The following ZNF444 variants were observed in gnomAD, a reference collection of about 807,000 sequenced individuals.
The protein encoded by ZNF444 is endothelial zinc finger protein 2.
ZNF444 carries 8 observed loss-of-function variants against 14.4 expected under a neutral mutation model. The ratio of observed to expected loss-of-function variants is 0.56; its 90% CI spans 0.33 to 1.00. The LOEUF (loss-of-function observed/expected upper bound fraction) is 1.00, where lower values mean the gene tolerates loss of function less well. ZNF444 is among the 50% of genes least tolerant of loss of function. The pLI, the probability that ZNF444 is intolerant of heterozygous loss-of-function variation, is 0.03. For synonymous variants in ZNF444, 258 were observed against 235.9 expected (o/e 1.09, Z -0.86); for missense variants, 510 against 504.8 (o/e 1.01, Z -0.10).
At chr19:56,143,917 T>G (rs2030999794) in intron 1 of ZNF444, among the ~76,000 whole-genome samples, 1 of 149,710 alleles carries the variant, frequency 6.7e-6, no homozygotes, top group Non-Finnish European at 1.5e-5. Context: ...TGAGAAGGAG[T>G]CAGGTAAGCA....
At chr19:56,158,245 G>A (rs2032026918) in intron 3 of ZNF444, 2 of 417,302 alleles carry the variant, frequency 4.8e-6, no homozygotes, top group Non-Finnish European at 8.6e-6. Context: ...TGAGGTCACA[G>A]TGCAGTGTTG....
chr19:56,159,905 C>G lies in ZNF444; in HGVS notation c.688C>G (p.Pro230Ala). The G allele has an allele frequency of 7.3e-7, 1 of 1,374,982 alleles. No individual in the cohort carries two copies. The highest frequency in any genetic ancestry group is 1.3e-5 in the South Asian group (1 of 78,842). The allele number at this position is 1,374,982 out of a possible 1,614,324, so 85.2% of individuals were successfully genotyped here. The change falls in exon 5 of 5, where the codon CCC (proline) becomes GCC (alanine). Residue 230 changes from proline (P) to alanine (A), a missense_variant. Pro to Ala is a conservative substitution (Grantham distance 27). Transcript: ENST00000337080. ...EHLRRHRDTH[P>A]GSPGSPGPAL... ...CCTGCGGCGCCACCGCGACACGCAC[C>G]CCGGCAGCCCCGGCAGCCCCGGGCC...
At chr19:56,152,311 G>A (rs1408825130) in intron 3 of ZNF444, among the ~76,000 whole-genome samples, 7 of 147,434 alleles carry the variant, frequency 4.7e-5, no homozygotes, top group African/African-American at 7.6e-5. Context: ...CAGCCTGGGC[G>A]ACAGAGTGAG....
At position 56,160,666 on chromosome 19, in the gene ZNF444, G is replaced by C. The variant is rs1056770067; in HGVS notation, c.*465G>C. The C allele has an allele frequency of 6.2e-6, 1 of 160,530 alleles. No individual in the cohort carries two copies. The highest frequency in any genetic ancestry group is 2.4e-5 in the African/African-American group (1 of 41,746). The allele number at this position is 160,530 out of a possible 1,614,324, so 9.9% of individuals were successfully genotyped here. A position where few individuals can be genotyped will look rare whatever the true frequency, so the allele number is the denominator to read the frequency against. On this transcript the variant is annotated 3_prime_UTR_variant, in exon 5 of 5. Transcript: ENST00000337080. The stretch of plus-strand genomic sequence containing the variant: ...CAGAGGCTGAAGGAAAGGGGTCTGG[G>C]TCTTGTCCCTAGGAATTCTCCTCCC...
intron 3 of ZNF444, among the ~76,000 whole-genome samples, chr19:56,154,067 C>T (rs1016425199): frequency 6.6e-5 from 10 of 152,156 alleles, no homozygotes; most frequent in African/African-American, 2.2e-4. Flanking sequence ...ATTTGACAAC[C>T]GTTGAGAACA....
At chr19:56,149,151 G>A (rs62120807) in intron 3 of ZNF444, among the ~76,000 whole-genome samples, 1,244 of 84,356 alleles carry the variant, frequency 0.015, 46 homozygotes, top group Non-Finnish European at 0.019. Flanking sequence ...TCACTCCTCC[G>A]ACCTTGACCT....
intron 3 of ZNF444, among the ~76,000 whole-genome samples, chr19:56,152,998 T>G (rs765760926): frequency 6.6e-6 from 1 of 152,058 alleles, no homozygotes; most frequent in Non-Finnish European, 1.5e-5. Context: ...GCCCTGGAGA[T>G]TCCTTCATGT....
At chr19:56,135,999 T>A (rs2030601653) in intron 1 of ZNF444, among the ~76,000 whole-genome samples, 1 of 135,116 alleles carries the variant, frequency 7.4e-6, no homozygotes, top group Non-Finnish European at 1.5e-5. Flanking sequence ...GGAGAATCGC[T>A]TCAACCCAGG....
chr19:56,134,928 T>A (rs557723502), intron 1 of ZNF444, among the ~76,000 whole-genome samples: 1 of 151,712 alleles, frequency 6.6e-6, no homozygotes, highest in Admixed American at 6.6e-5. Flanking sequence ...AGACCTTATT[T>A]CTTTAAAAAA....
rs1440749875 is a variant in ZNF444 at position 56,147,482 on chromosome 19, G to T, written c.297+274G>T. On this transcript the variant is annotated intron_variant, in intron 3 of 4. Coordinates refer to ENST00000337080, the MANE Select transcript of ZNF444 (RefSeq NM_018337.4). This position sits in a 1 kb window ranked among gnomAD's most constrained non-coding sequence, Gnocchi z 5.9. ...CCGTGTTCACGGTCACGGCTTATCA[G>T]AGAAGGACGTGCTGGAAGCAGCTGG... Among the ~76,000 whole-genome samples, 2 of 152,180 alleles carry T rather than the reference G, an allele frequency of 1.3e-5. No homozygotes were observed. Among genetic ancestry groups the T allele is most frequent in the African/African-American group, 4.8e-5 (2 of 41,428 alleles).
Position 56,144,464 on chromosome 19 carries a change from C to T in ZNF444, c.-196-1783C>T, listed in dbSNP as rs560951997. Among the ~76,000 whole-genome samples the T allele has an allele frequency of 6.6e-6, 1 of 152,184 alleles. No homozygotes were observed. The highest frequency in any genetic ancestry group is 2.4e-5 in the African/African-American group (1 of 41,522). On this transcript the variant is annotated intron_variant, in intron 1 of 4. Transcript: ENST00000337080. This position sits in a 1 kb window ranked among gnomAD's most constrained non-coding sequence, Gnocchi z 4.0. ...CATCACAGGAAGCAGTTGGAGGGCACTGAGCAAGGAAGTGACAGGGATTTA... is the reference window on the plus strand; with the variant it reads ...CATCACAGGAAGCAGTTGGAGGGCATTGAGCAAGGAAGTGACAGGGATTTA...
exon 1 of ZNF444, chr19:56,132,632 T>A (rs1388447708): frequency 2.0e-5 from 3 of 152,208 alleles, no homozygotes; most frequent in African/African-American, 7.2e-5. Flanking sequence ...CGGAGAGATT[T>A]CTCTCCAGAG....
chr19:56,144,648 A>G lies in ZNF444; in HGVS notation c.-196-1599A>G, dbSNP rs764347183. Reference sequence around the variant, plus strand: ...CAGGCTTTGGTTGTATCAGGAGGAAAATTGTCTGAACACAGACTTCCTCTC... The same window carrying G: ...CAGGCTTTGGTTGTATCAGGAGGAAGATTGTCTGAACACAGACTTCCTCTC... On this transcript the variant is annotated intron_variant, in intron 1 of 4. Transcript: ENST00000337080. The surrounding 1 kb of genome is among the most constrained non-coding windows in gnomAD (Gnocchi z 4.0). Among the ~76,000 whole-genome samples, 2 of 152,154 alleles carry G rather than the reference A, an allele frequency of 1.3e-5. No homozygotes were observed. Among genetic ancestry groups the G allele is most frequent in the Non-Finnish European group, 2.9e-5 (2 of 68,034 alleles).
upstream of ZNF444, among the ~76,000 whole-genome samples, chr19:56,139,327 AT>A (rs1239133923): frequency 2.6e-5 from 4 of 152,152 alleles, no homozygotes; most frequent in Non-Finnish European, 5.9e-5. Context: ...CTGTGGACAG[AT>A]TCTGCATCTA....
chr19:56,152,564 T>C (rs1376035719), intron 3 of ZNF444, among the ~76,000 whole-genome samples: 2 of 151,712 alleles, frequency 1.3e-5, no homozygotes, highest in African/African-American at 2.4e-5. Flanking sequence ...TTATCTAGGG[T>C]AAGCGCCCAG....
chr19:56,140,268 A>G (rs890100457), upstream of ZNF444, among the ~76,000 whole-genome samples: 2 of 152,076 alleles, frequency 1.3e-5, no homozygotes, highest in Non-Finnish European at 2.9e-5. Context: ...GGAGGAGGAA[A>G]TACGCTGCGG....
At chr19:56,134,482 T>C (rs780254082) in intron 1 of ZNF444, among the ~76,000 whole-genome samples, 2 of 151,966 alleles carry the variant, frequency 1.3e-5, no homozygotes, top group Non-Finnish European at 1.5e-5. Flanking sequence ...CACCCAAAAA[T>C]AGTATATGAA....
At chr19:56,142,148 C>G (rs1433362326) in intron 1 of ZNF444, 1 of 152,134 alleles carries the variant, frequency 6.6e-6, no homozygotes, top group African/African-American at 2.4e-5. Context: ...AATCTGCGTG[C>G]GTGTTCATAG....
chr19:56,148,183 G>C (rs536442365), intron 3 of ZNF444, among the ~76,000 whole-genome samples: 6 of 152,330 alleles, frequency 3.9e-5, no homozygotes, highest in African/African-American at 1.4e-4. Context: ...CATGGCTGGT[G>C]GCTGCTGTGT....
Sources: allele counts gnomAD v4.1 joint callset (sites outside exome capture counted in the v4.1 genomes callset), GRCh38; gene constraint gnomAD v4.1.1; non-coding constraint Gnocchi (gnomAD v3.1); transcripts MANE v1.5; gene names NCBI Gene and HGNC (gene_info 2026-07-23, HGNC 2026-07-21).